The following APP variants were observed in gnomAD, a reference collection of about 807,000 sequenced individuals.
The protein encoded by APP is amyloid beta precursor protein, also known as amyloid-beta precursor protein.
APP carries 31 observed loss-of-function variants against 101.4 expected under a neutral mutation model. That is an observed-to-expected ratio of 0.31 (90% CI 0.23 to 0.41). The LOEUF (loss-of-function observed/expected upper bound fraction) is 0.41, where lower values mean the gene tolerates loss of function less well. Ranked by LOEUF, APP falls within the 10% of genes least tolerant of loss-of-function variation. The pLI is 1.00. For synonymous variants in APP, 366 were observed against 364.4 expected, an observed-to-expected ratio of 1.00 and a Z score of -0.05; for missense variants, 839 against 1,003.7, an observed-to-expected ratio of 0.84 and a Z score of 2.22.
At chr21:26,156,251 C>A (rs45456598) in intron 1 of APP, among the ~76,000 whole-genome samples, 2,704 of 152,168 alleles carry the variant, frequency 0.018, 27 homozygotes, top group Non-Finnish European at 0.027. Context: ...TATGAATAGA[C>A]CATTTTTATT....
chr21:26,004,808 C>G (rs2043455146), intron 6 of APP, among the ~76,000 whole-genome samples: 2 of 147,220 alleles, frequency 1.4e-5, no homozygotes, highest in Non-Finnish European at 3.0e-5. Flanking sequence ...CCCAACCCCC[C>G]ACCCCCCCAA....
chr21:25,981,949 G>C (rs45621037), intron 9 of APP, among the ~76,000 whole-genome samples: 2 of 152,074 alleles, frequency 1.3e-5, no homozygotes, highest in Non-Finnish European at 2.9e-5. Flanking sequence ...GTAAACAATC[G>C]TAGGTTCACA....
chr21:26,133,413 T>C (rs1312200663), intron 1 of APP, among the ~76,000 whole-genome samples: 1 of 152,244 alleles, frequency 6.6e-6, no homozygotes, highest in Non-Finnish European at 1.5e-5. Flanking sequence ...TTATTCACAA[T>C]TACTAGGAAG....
chr21:25,975,933 G>C, intron 10 of APP, 21 bp downstream of exon 10: 1 of 1,604,676 alleles, frequency 6.2e-7, no homozygotes. Flanking sequence ...ATGTTTGGTA[G>C]GAAATGGGTT....
chr21:26,112,082 A>G lies in APP; in HGVS notation c.122T>C (p.Leu41Pro). ...EPQIAMFCGRLNMHMNVQNGK... is the reference protein window; with the variant it reads ...EPQIAMFCGRPNMHMNVQNGK... ...ATTCTGGACATTCATGTGCATGTTCAGTCTGCCACAGAACATGGCAATCTG... is the reference window on the plus strand; with the variant it reads ...ATTCTGGACATTCATGTGCATGTTCGGTCTGCCACAGAACATGGCAATCTG... Residue 41 changes from leucine to proline, a missense_variant, in exon 2 of 18, where the codon CTG becomes CCG. By Grantham distance (98) the Leu-to-Pro change is moderately conservative (BLOSUM62 -3). Transcript: ENST00000346798. The G allele has an allele frequency of 6.2e-7, 1 of 1,614,114 alleles. No homozygotes were observed. The highest frequency in any genetic ancestry group is 8.5e-7 in the Non-Finnish European group (1 of 1,179,968).
chr21:26,017,081 C>A (rs1487110571), intron 6 of APP, among the ~76,000 whole-genome samples: 1 of 151,330 alleles, frequency 6.6e-6, no homozygotes, highest in African/African-American at 2.4e-5. Context: ...CACCTGTAGT[C>A]CCAGCTACTC....
chr21:26,170,771 GGA>G, upstream of APP: 1 of 827,508 alleles, frequency 1.2e-6, no homozygotes, highest in South Asian at 2.2e-5. Context: ...GGAAACTGAC[GGA>G]GCCCGAGCGC....
At chr21:25,921,474 G>A (rs1278267038) in intron 13 of APP, among the ~76,000 whole-genome samples, 2 of 148,418 alleles carry the variant, frequency 1.3e-5, no homozygotes, top group African/African-American at 4.9e-5. Flanking sequence ...AAAATTGATA[G>A]ACCGCTAGCA....
In APP at chr21:25,998,543, G is replaced by A. The variant is rs146445689; in HGVS notation, c.1034-1127C>T. Among the ~76,000 whole-genome samples the A allele has an allele frequency of 8.6e-4, 131 of 152,204 alleles. 4 individuals are homozygous for A. The East Asian group carries it at 0.02, about 24-fold the overall frequency. On this transcript the variant is annotated intron_variant, in intron 7 of 17. Coordinates refer to ENST00000346798, the MANE Select transcript of APP (RefSeq NM_000484.4). Reference sequence around the variant, plus strand: ...TAGATCCTGGGCTCCTTTACAGTGGGGGTATTAATGGTGCAGGCCCTTCTG... The same window carrying A: ...TAGATCCTGGGCTCCTTTACAGTGGAGGTATTAATGGTGCAGGCCCTTCTG...
intron 6 of APP, among the ~76,000 whole-genome samples, chr21:26,017,409 C>CAAAAAA (rs373376674): frequency 9.0e-6 from 1 of 111,100 alleles, no homozygotes; most frequent in Non-Finnish European, 1.8e-5. Context: ...AATCCCGTGT[C>CAAAAAA]AAAAAAAAAA....
At chr21:26,102,768 T>C (rs2062090047) in intron 2 of APP, among the ~76,000 whole-genome samples, 1 of 151,456 alleles carries the variant, frequency 6.6e-6, no homozygotes, top group Non-Finnish European at 1.5e-5. Context: ...TGGGCACCTG[T>C]AATCTCAGCT....
chr21:26,108,284 C>T (rs763131508), intron 2 of APP, among the ~76,000 whole-genome samples: 3 of 152,180 alleles, frequency 2.0e-5, no homozygotes, highest in Non-Finnish European at 2.9e-5. Flanking sequence ...ACAACATATT[C>T]AAAACATAAC....
At chr21:26,109,334 C>T (rs2062258791) in intron 2 of APP, among the ~76,000 whole-genome samples, 1 of 152,206 alleles carries the variant, frequency 6.6e-6, no homozygotes, top group Non-Finnish European at 1.5e-5. Context: ...AATGTTTAAG[C>T]ACCATCCCTC....
At chr21:25,895,443 C>A (rs571723009) in intron 16 of APP, among the ~76,000 whole-genome samples, 51 of 152,290 alleles carry the variant, frequency 3.3e-4, no homozygotes, top group Middle Eastern at 6.8e-3. Context: ...GGATTACAGG[C>A]ATGAGCCACC....
chr21:25,943,610 G>A (rs905918437), intron 13 of APP, among the ~76,000 whole-genome samples: 7 of 151,240 alleles, frequency 4.6e-5, no homozygotes, highest in Non-Finnish European at 8.8e-5. Context: ...CACCATGCCC[G>A]GCTAATTTTT....
At chr21:25,896,108 C>G (rs1216778296) in intron 16 of APP, among the ~76,000 whole-genome samples, 2 of 152,064 alleles carry the variant, frequency 1.3e-5, no homozygotes, top group Non-Finnish European at 2.9e-5. Flanking sequence ...TTAGTGGTTC[C>G]CCAGTTTTTA....
chr21:26,101,291 G>A (rs2062052224), intron 2 of APP, among the ~76,000 whole-genome samples: 1 of 151,834 alleles, frequency 6.6e-6, no homozygotes, highest in Admixed American at 6.6e-5. Context: ...TAGAGACGGG[G>A]TTTCACCATG....
At chr21:25,983,344 C>T (rs991795372) in intron 8 of APP, among the ~76,000 whole-genome samples, 4 of 152,224 alleles carry the variant, frequency 2.6e-5, no homozygotes, top group South Asian at 2.1e-4. Flanking sequence ...CAAAATGAGA[C>T]GTTTTCACTA....
Position 26,053,242 on chromosome 21 carries a change from G to C in APP, c.462C>G (p.Ala154=), listed in dbSNP as rs200398369. 1 of 1,610,764 alleles carries C rather than the reference G, an allele frequency of 6.2e-7. No homozygotes were observed. Among genetic ancestry groups the C allele is most frequent in the Non-Finnish European group, 8.5e-7 (1 of 1,177,026 alleles). Residue 154 remains alanine, a synonymous_variant, in exon 4 of 18, where the codon GCC becomes GCG. Coordinates refer to ENST00000346798, the MANE Select transcript of APP (RefSeq NM_000484.4). ...CETHLHWHTV[A]KETCSEKSTN... Reference sequence around the variant, plus strand: ...AGAATTTATGGGCTGGTACCTCTTTGGCGACGGTGTGCCAGTGAAGATGAG... The same window carrying C: ...AGAATTTATGGGCTGGTACCTCTTTCGCGACGGTGTGCCAGTGAAGATGAG...
Sources: gnomAD v4.1 joint callset for allele counts (sites outside exome capture counted in the v4.1 genomes callset) on GRCh38, gnomAD v4.1.1 for gene constraint, MANE v1.5 for transcripts, NCBI Gene and HGNC (gene_info 2026-07-23, HGNC 2026-07-21) for gene names.